The following ENAM variants were observed in gnomAD, a reference collection of about 807,000 sequenced individuals.
ENAM encodes amelogenesis imperfecta 2, hypocalcification (autosomal dominant).
ENAM carries 21 observed loss-of-function variants against 33.6 expected under a neutral mutation model. The observed-to-expected ratio is 0.63, with a 90% confidence interval of 0.44 to 0.90. The LOEUF is 0.90. ENAM is among the 40% of genes least tolerant of loss of function. ENAM has a pLI of 0.00. For synonymous variants in ENAM, 473 were observed against 468.4 expected (o/e 1.01, Z -0.13); for missense variants, 1,388 against 1,366.9 (o/e 1.02, Z -0.24).
In ENAM at chr4:70,643,729, A is replaced by G. The variant is rs1206339485; in HGVS notation, c.2303A>G (p.His768Arg). ...TLFPSRNSWD[H>R]RIQAQGQRER... The stretch of plus-strand genomic sequence containing the variant: ...TTTCCTTCACGGAATTCCTGGGACC[A>G]CAGGATACAAGCCCAAGGGCAGAGA... The change falls in exon 9 of 9, where the codon CAC (histidine) becomes CGC (arginine). Residue 768 changes from histidine (H) to arginine (R), a missense_variant. Coordinates refer to ENST00000396073, the MANE Select transcript of ENAM (RefSeq NM_031889.3). 6.2e-7 allele frequency: 1 copy of G among 1,614,194 alleles called. No individual in the cohort carries two copies. The highest frequency in any genetic ancestry group is 1.3e-5 in the African/African-American group (1 of 75,040).
intron 7 of ENAM, 177 bp from the exon 8 acceptor site, chr4:70,637,613 G>T: frequency 1.5e-6 from 1 of 650,692 alleles, no homozygotes; most frequent in South Asian, 1.8e-5. Flanking sequence ...TTCACTGTTA[G>T]ATCATAATTC....
At position 70,631,652 on chromosome 4, in the gene ENAM, A is replaced by G. The variant is rs1738324524; in HGVS notation, c.55-18A>G. On this transcript the variant is annotated intron_variant, in intron 2 of 8. Coordinates refer to ENST00000396073, the MANE Select transcript of ENAM (RefSeq NM_031889.3). The stretch of plus-strand genomic sequence containing the variant: ...CTTATTTCACAGACCAAAAATAAAA[A>G]TCAATTTTTTATTCTAGGTACCAAA... The G allele has an allele frequency of 1.3e-6, 2 of 1,587,172 alleles. No individual in the cohort carries two copies. Among genetic ancestry groups the G allele is most frequent in the Non-Finnish European group, 1.7e-6 (2 of 1,155,622 alleles).
chr4:70,631,543 C>T, intron 2 of ENAM, 127 bp from the exon 3 acceptor site: 1 of 732,186 alleles, frequency 1.4e-6, no homozygotes, highest in Non-Finnish European at 2.4e-6. Flanking sequence ...ATAAAACTGG[C>T]AGCAGGGGCC....
intron 4 of ENAM, 129 bp downstream of exon 4, chr4:70,632,022 T>C: frequency 2.2e-6 from 2 of 903,498 alleles, no homozygotes; most frequent in Non-Finnish European, 3.7e-6. Context: ...GAGGGAGATT[T>C]GAAAGTCTTA....
At position 70,646,199 on chromosome 4, in the gene ENAM, G is replaced by C. The variant is rs1738757451; in HGVS notation, c.*1344G>C. On this transcript the variant is annotated 3_prime_UTR_variant, in exon 9 of 9. Coordinates refer to ENST00000396073, the MANE Select transcript of ENAM (RefSeq NM_031889.3). ...TAAATTGTGTAAATTATTTTGAAAA[G>C]TGGATATTTCTATATGCCTTGCTTA... 1.3e-5 allele frequency: 2 copies of C among 151,978 alleles called. No individual in the cohort carries two copies. The highest frequency in any genetic ancestry group is 2.9e-5 in the Non-Finnish European group (2 of 67,996). The allele number at this position is 151,978 out of a possible 1,614,324, so 9.4% of individuals were successfully genotyped here.
chr4:70,637,912 A>T, intron 8 of ENAM, 69 bp downstream of exon 8: 1 of 1,125,986 alleles, frequency 8.9e-7, no homozygotes, highest in East Asian at 2.3e-5. Context: ...TTTTATCCAC[A>T]TCTAATAAGA....
rs1738718972 is a variant in ENAM, at chr4:70,644,907, A to G, written c.*52A>G. 6.5e-7 allele frequency: 1 copy of G among 1,532,192 alleles called. No individual in the cohort carries two copies. Among genetic ancestry groups the G allele is most frequent in the Non-Finnish European group, 9.0e-7 (1 of 1,107,238 alleles). 94.9% of individuals were successfully genotyped at this position (1,532,192 alleles called of 1,614,324 possible). On this transcript the variant is annotated 3_prime_UTR_variant, in exon 9 of 9. Coordinates refer to ENST00000396073, the MANE Select transcript of ENAM (RefSeq NM_031889.3). The stretch of plus-strand genomic sequence containing the variant: ...GAAAGAGAAATCACTGACATTCTAT[A>G]CCAATGGTTCCCAAAATTTTTTCCC...
At position 70,637,829 on chromosome 4, in the gene ENAM, A is replaced by C. The variant is rs1182082472; in HGVS notation, c.574A>C (p.Asn192His). The change falls in exon 8 of 9, where the codon AAT becomes CAT. Residue 192 changes from asparagine (N) to histidine (H), a missense_variant. Asn to His is a moderately conservative substitution (Grantham distance 68, BLOSUM62 1). Transcript: ENST00000396073. Reference sequence around the variant, plus strand: ...AGGTTATGGACGCCCACCAATCAGCAATGAAGAAGGGGGGGTAAGTACAAG... The same window carrying C: ...AGGTTATGGACGCCCACCAATCAGCCATGAAGAAGGGGGGGTAAGTACAAG... ...PPGYGRPPIS[N>H]EEGGNPYFGY... is the part of the protein sequence containing the mutation. 2 of 1,612,918 alleles carry C rather than the reference A, an allele frequency of 1.2e-6. No homozygotes were observed. Among genetic ancestry groups the C allele is most frequent in the Non-Finnish European group, 1.7e-6 (2 of 1,178,886 alleles).
chr4:70,642,325 A>T lies in ENAM; in HGVS notation c.899A>T (p.Gln300Leu). The change falls in exon 9 of 9, where the codon CAG (glutamine) becomes CTG (leucine). Residue 300 changes from glutamine (Q) to leucine (L), a missense_variant. Physicochemically the swap from Gln to Leu is moderately radical, Grantham distance 113 (BLOSUM62 -2). Coordinates refer to ENST00000396073, the MANE Select transcript of ENAM (RefSeq NM_031889.3). ...GPLPAVNASG[Q>L]GGPGSQIPWR... ...CTCCCTGCAGTCAACGCTTCAGGCC[A>T]GGGAGGGCCAGGAAGTCAAATCCCA... 6.2e-7 allele frequency: 1 copy of T among 1,614,186 alleles called. No individual in the cohort carries two copies. The highest frequency in any genetic ancestry group is 8.5e-7 in the Non-Finnish European group (1 of 1,180,016).
chr4:70,637,586 C>T lies in ENAM; in HGVS notation c.535-204C>T, dbSNP rs1738485659. Reference sequence around the variant, plus strand: ...GGATAATCTAGGATCCAGCTGAAGCCTTTGTATTTACCAGTATTCACTGTT... The same window carrying T: ...GGATAATCTAGGATCCAGCTGAAGCTTTTGTATTTACCAGTATTCACTGTT... On this transcript the variant is annotated intron_variant, in intron 7 of 8. Coordinates refer to ENST00000396073, the MANE Select transcript of ENAM (RefSeq NM_031889.3). The T allele has an allele frequency of 5.0e-6, 3 of 597,028 alleles. No homozygotes were observed. The East Asian group carries it at 8.5e-5, about 17-fold the overall frequency. The allele number at this position is 597,028 out of a possible 1,614,324, so 37.0% of individuals were successfully genotyped here. A position where few individuals can be genotyped will look rare whatever the true frequency, so the allele number is the denominator to read the frequency against.
In ENAM at chr4:70,643,586, C is replaced by T; in HGVS notation, c.2160C>T (p.Tyr720=). The T allele has an allele frequency of 6.2e-7, 1 of 1,614,030 alleles. No homozygotes were observed. ...AGGATTTTTATTACAGTGAATTTTA[C>T]CCATGGAGCCCGGATGAGAATTTTC... ...PREDFYYSEF[Y]PWSPDENFPS... is the part of the protein sequence containing the mutation. Residue 720 remains tyrosine, a synonymous_variant, in exon 9 of 9, where the codon TAC becomes TAT. Transcript: ENST00000396073.
At chr4:70,633,288 C>T (rs1738371185) in intron 5 of ENAM, among the ~76,000 whole-genome samples, 1 of 152,066 alleles carries the variant, frequency 6.6e-6, no homozygotes, top group Non-Finnish European at 1.5e-5. Context: ...AAATCAAGGA[C>T]TACATCCATT....
chr4:70,644,104 C>A lies in ENAM; in HGVS notation c.2678C>A (p.Thr893Asn). 1.2e-6 allele frequency: 2 copies of A among 1,614,154 alleles called. No homozygotes were observed. Among genetic ancestry groups the A allele is most frequent in the Non-Finnish European group, 1.7e-6 (2 of 1,180,022 alleles). ...KDNPLALQDY[T>N]PSYGLAPGEN... ...AATCCACTAGCTCTACAAGACTACA[C>A]TCCATCCTATGGTCTTGCACCTGGG... Residue 893 changes from threonine to asparagine, a missense_variant, in exon 9 of 9, where the codon ACT becomes AAT. Physicochemically the swap from Thr to Asn is moderately conservative, Grantham distance 65. Transcript: ENST00000396073.
In ENAM at chr4:70,644,163, G is replaced by C; in HGVS notation, c.2737G>C (p.Gly913Arg). The C allele has an allele frequency of 6.2e-7, 1 of 1,614,048 alleles. No individual in the cohort carries two copies. ...NQDTSPLYTDGSHTKQTRDII... is the reference protein window; with the variant it reads ...NQDTSPLYTDRSHTKQTRDII... ...AGACACCAGTCCTCTGTATACAGAC[G>C]GTAGTCATACCAAGCAGACAAGAGA... The change falls in exon 9 of 9, where the codon GGT becomes CGT. Residue 913 changes from glycine to arginine, a missense_variant. Coordinates refer to ENST00000396073, the MANE Select transcript of ENAM (RefSeq NM_031889.3).
Position 70,644,384 on chromosome 4 carries a change from C to A in ENAM, c.2958C>A (p.Leu986=). Residue 986 remains leucine (L), a synonymous_variant, in exon 9 of 9, where the codon CTC becomes CTA. Coordinates refer to ENST00000396073, the MANE Select transcript of ENAM (RefSeq NM_031889.3). ...TTCAATCAAAGAATACACCTTGTCT[C>A]AAAAATGATCTTGGAGGAGATGGGA... The part of the protein sequence containing the change: ...SSLQSKNTPC[L]KNDLGGDGNN... The A allele has an allele frequency of 6.2e-7, 1 of 1,614,120 alleles. No individual in the cohort carries two copies. The highest frequency in any genetic ancestry group is 8.5e-7 in the Non-Finnish European group (1 of 1,180,006).
At chr4:70,640,397 G>A (rs926073377) in intron 8 of ENAM, among the ~76,000 whole-genome samples, 1 of 152,188 alleles carries the variant, frequency 6.6e-6, no homozygotes. Context: ...AGGAATAAAT[G>A]TGTCAATGGA....
In ENAM at chr4:70,642,298, C is replaced by A. The variant is rs761444722; in HGVS notation, c.872C>A (p.Pro291Gln). The A allele has an allele frequency of 3.7e-6, 6 of 1,614,020 alleles. No homozygotes were observed. Among genetic ancestry groups the A allele is most frequent in the Non-Finnish European group, 5.1e-6 (6 of 1,180,032 alleles). Residue 291 changes from proline to glutamine, a missense_variant, in exon 9 of 9, where the codon CCA (proline) becomes CAA (glutamine). By Grantham distance (76) the Pro-to-Gln change is moderately conservative. Coordinates refer to ENST00000396073, the MANE Select transcript of ENAM (RefSeq NM_031889.3). ...CCTCCAGCTCAAAATGGGATTGGCC[C>A]ACTCCCTGCAGTCAACGCTTCAGGC... ...NNPPAQNGIG[P>Q]LPAVNASGQG...
chr4:70,629,178 T>C (rs1738246740), intron 1 of ENAM, among the ~76,000 whole-genome samples: 1 of 152,168 alleles, frequency 6.6e-6, no homozygotes, highest in Admixed American at 6.5e-5. Context: ...AGACCTCCTT[T>C]ACTACTGTGA....
At chr4:70,631,019 G>T (rs537325512) in intron 2 of ENAM, among the ~76,000 whole-genome samples, 1 of 152,220 alleles carries the variant, frequency 6.6e-6, no homozygotes, top group Admixed American at 6.5e-5. Context: ...TGGGATTAAG[G>T]CGTGAGCCAC....
Sources: gnomAD v4.1 joint callset for allele counts (sites outside exome capture counted in the v4.1 genomes callset) on GRCh38, gnomAD v4.1.1 for gene constraint, MANE v1.5 for transcripts, NCBI Gene and HGNC (gene_info 2026-07-23, HGNC 2026-07-21) for gene names.